The following STXBP5L variants were observed in gnomAD, a reference collection of about 807,000 sequenced individuals.
STXBP5L encodes syntaxin binding protein 5L.
Under a neutral mutation model 144.5 loss-of-function variants are expected in STXBP5L, and 65 were observed. The observed-to-expected ratio is 0.45, with a 90% CI of 0.37 to 0.55. The LOEUF is 0.55. Among genes scored for constraint, STXBP5L ranks in the 20% least tolerant of loss-of-function variants. The probability of loss-of-function intolerance (pLI) is 0.00; values close to 1 mark genes in which losing one functional copy is unlikely to be tolerated. For missense variants in STXBP5L, 1,298 were observed against 1,405.5 expected (o/e 0.92, Z 1.22); for synonymous variants, 505 against 469.6 (o/e 1.08, Z -0.97).
chr3:121,098,521 G>T (rs971225879), intron 5 of STXBP5L, among the ~76,000 whole-genome samples: 2 of 152,194 alleles, frequency 1.3e-5, no homozygotes, highest in Non-Finnish European at 2.9e-5. Flanking sequence ...AAGGCAGAGA[G>T]ATCTGCCTCC....
At chr3:121,185,923 C>A (rs1301121974) in intron 9 of STXBP5L, among the ~76,000 whole-genome samples, 4 of 152,144 alleles carry the variant, frequency 2.6e-5, no homozygotes, top group Non-Finnish European at 4.4e-5. Context: ...TTCTTCCTAC[C>A]CATGATCATA....
chr3:121,030,158 C>A (rs572847805), intron 3 of STXBP5L, among the ~76,000 whole-genome samples: 3 of 152,156 alleles, frequency 2.0e-5, no homozygotes, highest in African/African-American at 4.8e-5. Context: ...TACTATATGA[C>A]TCAGCAATCC....
intron 1 of STXBP5L, 141 bp from the exon 2 acceptor site, chr3:120,909,428 ACT>A (rs1708709631): frequency 2.9e-6 from 2 of 697,192 alleles, no homozygotes; most frequent in South Asian, 2.2e-5. Flanking sequence ...ACGAATCCTG[ACT>A]CTTTTTTTCC....
At chr3:121,074,035 C>T (rs1023869442) in intron 5 of STXBP5L, among the ~76,000 whole-genome samples, 4 of 152,214 alleles carry the variant, frequency 2.6e-5, no homozygotes, top group African/African-American at 7.2e-5. Flanking sequence ...GTGCAGCCAA[C>T]AATACATCAT....
At chr3:121,088,203 G>T (rs1378602210) in intron 5 of STXBP5L, among the ~76,000 whole-genome samples, 2 of 141,888 alleles carry the variant, frequency 1.4e-5, no homozygotes, top group Non-Finnish European at 3.0e-5. Flanking sequence ...CTGACAAAGG[G>T]CTAATATCCA....
chr3:121,298,507 A>G (rs1432413027), intron 19 of STXBP5L, among the ~76,000 whole-genome samples: 3 of 152,176 alleles, frequency 2.0e-5, no homozygotes, highest in Non-Finnish European at 2.9e-5. Context: ...CTTCTACACA[A>G]CCTAAATATC....
At chr3:121,107,046 A>T (rs556972749) in intron 5 of STXBP5L, among the ~76,000 whole-genome samples, 1 of 150,646 alleles carries the variant, frequency 6.6e-6, no homozygotes, top group Non-Finnish European at 1.5e-5. Context: ...TTATCTTTGG[A>T]GAAGTTTCTG....
chr3:121,336,355 G>A (rs928407306), intron 20 of STXBP5L, among the ~76,000 whole-genome samples: 2 of 152,000 alleles, frequency 1.3e-5, no homozygotes, highest in African/African-American at 4.8e-5. Context: ...AATTTAGCTG[G>A]GAGCAGTGGT....
chr3:121,341,473 CT>C (rs2044709438), intron 20 of STXBP5L, among the ~76,000 whole-genome samples: 1 of 152,062 alleles, frequency 6.6e-6, no homozygotes, highest in South Asian at 2.1e-4. Flanking sequence ...CCTCAAAATA[CT>C]AAAAATGCAG....
intron 5 of STXBP5L, among the ~76,000 whole-genome samples, chr3:121,061,567 G>T (rs1231055539): frequency 1.3e-5 from 2 of 152,170 alleles, no homozygotes; most frequent in East Asian, 3.9e-4. Context: ...TGACAGTGGG[G>T]TGTTAAAGTC....
intron 22 of STXBP5L, among the ~76,000 whole-genome samples, chr3:121,389,172 T>C (rs895146272): frequency 5.9e-5 from 9 of 152,226 alleles, no homozygotes; most frequent in Admixed American, 1.3e-4. Context: ...TCTAGTTTAT[T>C]TGCGTAGAGG....
At chr3:121,189,219 A>C (rs1020109746) in intron 9 of STXBP5L, among the ~76,000 whole-genome samples, 2 of 152,132 alleles carry the variant, frequency 1.3e-5, no homozygotes, top group Non-Finnish European at 2.9e-5. Flanking sequence ...GAAGCTCTTT[A>C]GTTTAATTAG....
intron 9 of STXBP5L, among the ~76,000 whole-genome samples, chr3:121,173,065 A>G (rs2046790651): frequency 6.6e-6 from 1 of 152,114 alleles, no homozygotes; most frequent in Non-Finnish European, 1.5e-5. Flanking sequence ...TTCTCAGTAA[A>G]CTAACACAAG....
At chr3:120,979,097 AG>A (rs1273829671) in intron 3 of STXBP5L, among the ~76,000 whole-genome samples, 2 of 152,214 alleles carry the variant, frequency 1.3e-5, no homozygotes, top group African/African-American at 4.8e-5. Flanking sequence ...GGGACATTTA[AG>A]TCTGCAGAGG....
chr3:121,151,349 A>C (rs1334388901), intron 7 of STXBP5L, among the ~76,000 whole-genome samples: 1 of 152,204 alleles, frequency 6.6e-6, no homozygotes, highest in Non-Finnish European at 1.5e-5. Context: ...TGTGTGGTTT[A>C]ATAACCAAGC....
intron 19 of STXBP5L, among the ~76,000 whole-genome samples, chr3:121,317,059 G>T (rs962313428): frequency 2.0e-5 from 3 of 151,970 alleles, no homozygotes; most frequent in African/African-American, 7.3e-5. Flanking sequence ...GTATATCTAG[G>T]GTTAAGACCG....
rs542345927 is a variant in STXBP5L at position 121,225,827 on chromosome 3, A to C, written c.1111+2670A>C. ...TTGATAAATAGGCCAAATTATACAA[A>C]TGTTTTCAATAATTTGCCCTGTAAA... On this transcript the variant is annotated intron_variant, in intron 11 of 26. Coordinates refer to ENST00000471454, the MANE Select transcript of STXBP5L (RefSeq NM_001308330.2). Among the ~76,000 whole-genome samples the C allele has an allele frequency of 3.9e-5, 6 of 152,292 alleles. No individual in the cohort carries two copies. In the South Asian group the frequency reaches 1.0e-3, roughly 26 times the overall value.
At chr3:121,052,298 A>G (rs557580648) in intron 5 of STXBP5L, among the ~76,000 whole-genome samples, 1 of 152,308 alleles carries the variant, frequency 6.6e-6, no homozygotes, top group South Asian at 2.1e-4. Context: ...ACCAAAAAAG[A>G]GAATTTAAGA....
intron 3 of STXBP5L, among the ~76,000 whole-genome samples, chr3:120,974,189 C>T (rs887008754): frequency 1.1e-4 from 16 of 152,144 alleles, no homozygotes; most frequent in Non-Finnish European, 2.4e-4. Flanking sequence ...TTCTCCACAT[C>T]CTCTCTAGCA....
Sources: allele counts gnomAD v4.1 joint callset (sites outside exome capture counted in the v4.1 genomes callset), GRCh38; gene constraint gnomAD v4.1.1; transcripts MANE v1.5; gene names NCBI Gene and HGNC (gene_info 2026-07-23, HGNC 2026-07-21).